The following GLIS3 variants were observed in gnomAD, a reference collection of about 807,000 sequenced individuals.
The protein encoded by GLIS3 is zinc finger protein GLIS3.
Under a neutral mutation model 78.6 loss-of-function variants are expected in GLIS3, and 53 were observed. That is an observed-to-expected ratio of 0.67 (90% CI 0.54 to 0.85). The LOEUF is 0.85. Ranked by LOEUF, GLIS3 falls within the 40% of genes least tolerant of loss-of-function variation. The pLI, the probability that GLIS3 is intolerant of heterozygous loss-of-function variation, is 0.00. For missense variants in GLIS3, 1,703 were observed against 1,231.1 expected (o/e 1.38, Z -5.74); for synonymous variants, 684 against 509.9 (o/e 1.34, Z -4.60).
chr9:4,386,753 T>G, the GLIS3 span, among the ~76,000 whole-genome samples: 4 of 152,218 alleles, frequency 2.6e-5, no homozygotes, highest in South Asian at 8.3e-4. Flanking sequence ...CTTGGCTCTA[T>G]TCCCAATGGA....
At chr9:4,206,881 A>G (rs898600755) in intron 2 of GLIS3, among the ~76,000 whole-genome samples, 1 of 151,474 alleles carries the variant, frequency 6.6e-6, no homozygotes, top group Non-Finnish European at 1.5e-5. Flanking sequence ...GATACTTGGC[A>G]TATCGCGCTG....
the GLIS3 span, among the ~76,000 whole-genome samples, chr9:4,460,486 T>C: frequency 6.6e-6 from 1 of 152,202 alleles, no homozygotes; most frequent in African/African-American, 2.4e-5. Flanking sequence ...CTGTGCGCCA[T>C]GAAGATGTAG....
At chr9:3,867,715 T>TTG (rs751176686) in intron 8 of GLIS3, among the ~76,000 whole-genome samples, 9 of 16,296 alleles carry the variant, frequency 5.5e-4, no homozygotes, top group South Asian at 3.7e-3. Flanking sequence ...TCAACAATTC[T>TTG]TGTGTGTGTG....
chr9:4,365,271 G>C, the GLIS3 span, among the ~76,000 whole-genome samples: 107 of 152,234 alleles, frequency 7.0e-4, 1 homozygote, highest in African/African-American at 2.5e-3. Context: ...AAATTAGAAA[G>C]ATCAAATCAG....
the GLIS3 span, among the ~76,000 whole-genome samples, chr9:4,477,372 T>C: frequency 0.011 from 60 of 5,480 alleles, no homozygotes; most frequent in African/African-American, 0.04. Flanking sequence ...TAGAGTGGGG[T>C]GGGGGTGGGA....
chr9:3,966,840 A>C (rs1384347369), intron 4 of GLIS3, among the ~76,000 whole-genome samples: 3 of 151,612 alleles, frequency 2.0e-5, no homozygotes, highest in Non-Finnish European at 4.4e-5. Flanking sequence ...CACACCACAA[A>C]ATCCACCCAA....
Position 4,202,714 on chromosome 9 carries a change from G to A in GLIS3, c.389-76773C>T, listed in dbSNP as rs193097791. On this transcript the variant is annotated intron_variant, in intron 2 of 10. Coordinates refer to ENST00000381971, the MANE Select transcript of GLIS3 (RefSeq NM_001042413.2). ...GACAAAGTCAACAAAAGTAAGCAAT[G>A]GGGAAAGGAATCCCTATTAAATAAA... Among the ~76,000 whole-genome samples the A allele has an allele frequency of 1.5e-3, 225 of 152,246 alleles. 4 individuals are homozygous for A. Among genetic ancestry groups the A allele is most frequent in the Admixed American group, 0.014 (207 of 15,302 alleles).
At chr9:4,465,808 G>A in the GLIS3 span, among the ~76,000 whole-genome samples, 1 of 152,114 alleles carries the variant, frequency 6.6e-6, no homozygotes, top group Non-Finnish European at 1.5e-5. Flanking sequence ...CTCTAACTAA[G>A]TAACATGTGG....
intron 2 of GLIS3, among the ~76,000 whole-genome samples, chr9:4,319,751 A>T (rs1817495027): frequency 6.6e-6 from 1 of 152,106 alleles, no homozygotes; most frequent in Non-Finnish European, 1.5e-5. Flanking sequence ...GATGGTTTTG[A>T]ACTCTGCCCT....
At chr9:4,273,887 T>G (rs1826751425) in intron 2 of GLIS3, among the ~76,000 whole-genome samples, 1 of 152,204 alleles carries the variant, frequency 6.6e-6, no homozygotes, top group South Asian at 2.1e-4. Flanking sequence ...TTTGGCCTTC[T>G]TGTCCCATTT....
intron 4 of GLIS3, among the ~76,000 whole-genome samples, chr9:4,065,794 C>A (rs1042840979): frequency 5.3e-5 from 8 of 152,102 alleles, no homozygotes; most frequent in Non-Finnish European, 1.2e-4. Context: ...ATAAAAATTA[C>A]ATGGTTAAAG....
intron 7 of GLIS3, among the ~76,000 whole-genome samples, chr9:3,890,563 C>A (rs1029466653): frequency 1.3e-5 from 2 of 152,178 alleles, no homozygotes; most frequent in African/African-American, 2.4e-5. Flanking sequence ...GTACTAAACT[C>A]TTTTATGTTA....
chr9:4,443,696 G>C, the GLIS3 span, among the ~76,000 whole-genome samples: 1 of 152,244 alleles, frequency 6.6e-6, no homozygotes, highest in East Asian at 1.9e-4. Flanking sequence ...GCCAGTTCAA[G>C]AAGTGGCTGT....
intron 4 of GLIS3, among the ~76,000 whole-genome samples, chr9:4,044,804 C>T (rs966009069): frequency 1.3e-5 from 2 of 152,220 alleles, no homozygotes; most frequent in African/African-American, 4.8e-5. Context: ...AGACTCTTCA[C>T]TTTCTTTTTA....
chr9:4,404,249 A>T, the GLIS3 span, among the ~76,000 whole-genome samples: 5 of 152,300 alleles, frequency 3.3e-5, no homozygotes, highest in African/African-American at 1.2e-4. Flanking sequence ...TAAAGAGAGA[A>T]ATAGGCCCAA....
intron 4 of GLIS3, among the ~76,000 whole-genome samples, chr9:4,072,937 T>C (rs1175375073): frequency 6.6e-6 from 1 of 152,170 alleles, no homozygotes; most frequent in Non-Finnish European, 1.5e-5. Context: ...AAAACAACTC[T>C]TAAATAAAAG....
chr9:4,308,050 A>G (rs10733509), intron 4 of GLIS3, among the ~76,000 whole-genome samples: 116,670 of 152,036 alleles, frequency 0.77, 45,365 homozygotes, highest in Admixed American at 0.87. Context: ...CTGGGCTCTC[A>G]CAGAACACTG....
chr9:4,284,556 C>G (rs903684873), intron 2 of GLIS3, among the ~76,000 whole-genome samples: 1 of 151,608 alleles, frequency 6.6e-6, no homozygotes, highest in African/African-American at 2.4e-5. Context: ...ATATCAGTAC[C>G]TCTAAGAAAT....
chr9:3,897,835 A>G (rs372402732), intron 7 of GLIS3, among the ~76,000 whole-genome samples: 1 of 152,246 alleles, frequency 6.6e-6, no homozygotes, highest in Admixed American at 6.5e-5. Context: ...TCGAAAGAAA[A>G]AAACAGTCTG....
Sources: allele counts gnomAD v4.1 joint callset (sites outside exome capture counted in the v4.1 genomes callset), GRCh38; gene constraint gnomAD v4.1.1; transcripts MANE v1.5; gene names NCBI Gene and HGNC (gene_info 2026-07-23, HGNC 2026-07-21).